The following DST variants were observed in gnomAD, a reference collection of about 807,000 sequenced individuals.
DST encodes bullous pemphigoid antigen.
DST carries 253 observed loss-of-function variants against 875.2 expected under a neutral mutation model. That is an observed-to-expected ratio of 0.29 (90% CI 0.26 to 0.32). The LOEUF is 0.32. DST is among the 10% of genes least tolerant of loss of function. DST has a pLI of 1.00. For synonymous variants in DST, 3,124 were observed against 3,197.1 expected (o/e 0.98, Z 0.77); for missense variants, 8,287 against 9,111.6 (o/e 0.91, Z 3.68).
At chr6:56,920,894 A>ACTTTTTTTTTTT (rs1803817769) in intron 2 of DST, among the ~76,000 whole-genome samples, 1 of 89,190 alleles carries the variant, frequency 1.1e-5, no homozygotes, top group Non-Finnish European at 2.4e-5. Context: ...ACGCCCAGCT[A>ACTTTTTTTTTTT]ATTTTTTTTT....
In DST at chr6:56,608,117, A is replaced by G. The variant is rs1318806727; in HGVS notation, c.6511T>C (p.Ser2171Pro). Residue 2171 changes from serine (S) to proline (P), a missense_variant, in exon 40 of 104, where the codon TCC (serine) becomes CCC (proline). Ser to Pro is a moderately conservative substitution (Grantham distance 74). Coordinates refer to ENST00000680361, the MANE Select transcript of DST (RefSeq NM_001374736.1). ...RWLSFCKFQP[S>P]TVHDYRQEED... The stretch of plus-strand genomic sequence containing the variant: ...TCTTGTCTGTAATCATGAACTGTGG[A>G]GGGTTGAAATTTACAAAAAGAGAGC... 1 of 1,613,674 alleles carries G rather than the reference A, an allele frequency of 6.2e-7. No individual in the cohort carries two copies. Among genetic ancestry groups the G allele is most frequent in the Admixed American group, 1.7e-5 (1 of 59,938 alleles).
Position 56,604,470 on chromosome 6 carries a change from A to T in DST, c.10158T>A (p.Ile3386=). 6.2e-7 allele frequency: 1 copy of T among 1,611,182 alleles called. No individual in the cohort carries two copies. The highest frequency in any genetic ancestry group is 1.1e-5 in the South Asian group (1 of 90,930). Residue 3386 remains isoleucine (I), a synonymous_variant, in exon 40 of 104, where the codon ATT becomes ATA. Coordinates refer to ENST00000680361, the MANE Select transcript of DST (RefSeq NM_001374736.1). ...TGGTAATCCTTTTAATTAAATTTTG[A>T]ATTAAAATTTTAGTGTCTGCACAGG... ...PSACADTKIL[I]QNLIKRITTS... is the part of the protein sequence containing the mutation.
At chr6:56,528,458 T>C (rs1425177222) in intron 67 of DST, among the ~76,000 whole-genome samples, 2 of 152,232 alleles carry the variant, frequency 1.3e-5, no homozygotes, top group Admixed American at 6.5e-5. Flanking sequence ...TGTATAGCTA[T>C]GCACGTAGCC....
Position 56,459,282 on chromosome 6 carries a change from T to A in DST, c.23195-15A>T. On this transcript the variant is annotated splice_polypyrimidine_tract_variant and intron_variant, in intron 103 of 103. Coordinates refer to ENST00000680361, the MANE Select transcript of DST (RefSeq NM_001374736.1). ...CTTCTTGGAATCTGAGGAAAGAAGGTAGAGACAGCTCACCCTTATTATTGG... is the reference window on the plus strand; with the variant it reads ...CTTCTTGGAATCTGAGGAAAGAAGGAAGAGACAGCTCACCCTTATTATTGG... The A allele has an allele frequency of 6.2e-7, 1 of 1,608,308 alleles. No homozygotes were observed. The highest frequency in any genetic ancestry group is 8.5e-7 in the Non-Finnish European group (1 of 1,176,828).
At chr6:56,503,657 A>C (rs2096218499) in intron 78 of DST, among the ~76,000 whole-genome samples, 1 of 151,402 alleles carries the variant, frequency 6.6e-6, no homozygotes. Flanking sequence ...AGATATCAGA[A>C]AGGCTATAAA....
chr6:56,879,429 C>T (rs1295108674), intron 3 of DST, among the ~76,000 whole-genome samples: 2 of 151,870 alleles, frequency 1.3e-5, no homozygotes, highest in South Asian at 4.2e-4. Context: ...AGAGATCACG[C>T]CACTGCACTC....
rs1181946023 is a variant in DST at position 56,648,699 on chromosome 6, T to A, written c.1435-10A>T. On this transcript the variant is annotated splice_polypyrimidine_tract_variant and intron_variant, in intron 12 of 103. Transcript: ENST00000680361. ...ATTTGACTTCAACATCCTAGAACAA[T>A]CAAATGATAGAAAAGGTTCACATCT... 6.4e-7 allele frequency: 1 copy of A among 1,551,406 alleles called. No individual in the cohort carries two copies. Among genetic ancestry groups the A allele is most frequent in the Admixed American group, 2.0e-5 (1 of 50,482 alleles).
chr6:56,892,322 CT>C (rs1167025436), intron 3 of DST, among the ~76,000 whole-genome samples: 589 of 133,912 alleles, frequency 4.4e-3, no homozygotes, highest in Middle Eastern at 0.011. Flanking sequence ...ATTCCTATCC[CT>C]TTTTTTTTTT....
intron 47 of DST, 96 bp from the exon 48 acceptor site, chr6:56,594,289 T>C (rs1374197649): frequency 4.1e-6 from 4 of 968,952 alleles, no homozygotes; most frequent in African/African-American, 1.6e-5. Context: ...GTTTCAATGA[T>C]CTACAGGGCT....
chr6:56,759,121 C>T (rs1316228482), intron 4 of DST, among the ~76,000 whole-genome samples: 1 of 152,120 alleles, frequency 6.6e-6, no homozygotes, highest in East Asian at 1.9e-4. Flanking sequence ...GTCACTGCAG[C>T]AAATTTATAA....
chr6:56,812,141 A>G (rs2099761095), intron 4 of DST, among the ~76,000 whole-genome samples: 1 of 149,220 alleles, frequency 6.7e-6, no homozygotes, highest in Non-Finnish European at 1.5e-5. Context: ...AAAGAAAAGA[A>G]AAGAAAAGAA....
chr6:56,850,194 C>G (rs570284850), intron 4 of DST, among the ~76,000 whole-genome samples: 35 of 152,300 alleles, frequency 2.3e-4, no homozygotes, highest in African/African-American at 7.9e-4. Flanking sequence ...CAGCATCTCA[C>G]AGCGGAAGCC....
At position 56,497,493 on chromosome 6, in the gene DST, A is replaced by G. The variant is rs1243729426; in HGVS notation, c.20109T>C (p.His6703=). ...ACTGCTGCAAATCCTCAATTTCGCCATGGAACCCTTTGGCCTGAAGTAATA... is the reference window on the plus strand; with the variant it reads ...ACTGCTGCAAATCCTCAATTTCGCCGTGGAACCCTTTGGCCTGAAGTAATA... ...DGALRQAKGF[H]GEIEDLQQWL... Residue 6703 remains histidine, a synonymous_variant, in exon 82 of 104, where the codon CAT becomes CAC. Transcript: ENST00000680361. 2 of 1,612,958 alleles carry G rather than the reference A, an allele frequency of 1.2e-6. No individual in the cohort carries two copies. Among genetic ancestry groups the G allele is most frequent in the Non-Finnish European group, 1.7e-6 (2 of 1,179,346 alleles).
chr6:56,918,742 T>G (rs547787662), intron 2 of DST, among the ~76,000 whole-genome samples: 1 of 152,132 alleles, frequency 6.6e-6, no homozygotes, highest in African/African-American at 2.4e-5. Flanking sequence ...GCCTATGTGA[T>G]GGACAAAAGG....
At chr6:56,740,390 G>A (rs2152936305) in intron 4 of DST, among the ~76,000 whole-genome samples, 1 of 152,274 alleles carries the variant, frequency 6.6e-6, no homozygotes, top group Middle Eastern at 3.4e-3. Flanking sequence ...CCAGTTGAGA[G>A]AAGTACATGG....
rs757309718 is a variant in DST, at chr6:56,487,165, C to T, written c.20986G>A (p.Asp6996Asn). ...TSLADDNLKL[D>N]DMLSELRDKW... ...TCTCTGAGTTCACTCAGCATGTCAT[C>T]CAGTTTCAGGTTGTCATCAGCCAGG... The change falls in exon 87 of 104, where the codon GAT (aspartate) becomes AAT (asparagine). Residue 6996 changes from aspartate to asparagine, a missense_variant. Transcript: ENST00000680361. The T allele has an allele frequency of 2.5e-6, 4 of 1,613,956 alleles. No homozygotes were observed. The Admixed American group carries it at 6.7e-5, about 27-fold the overall frequency.
chr6:56,478,575 A>C (rs1417376345), intron 90 of DST, among the ~76,000 whole-genome samples: 1 of 152,236 alleles, frequency 6.6e-6, no homozygotes. Context: ...GATAAGACAG[A>C]TCATAGAACT....
At chr6:56,517,004 C>T (rs2096606617) in intron 71 of DST, among the ~76,000 whole-genome samples, 194 bp downstream of exon 71, 2 of 152,136 alleles carry the variant, frequency 1.3e-5, no homozygotes, top group African/African-American at 2.4e-5. Context: ...AAAGATTGTC[C>T]TCATAGTGAT....
At chr6:56,833,038 C>T (rs1395105722) in intron 4 of DST, among the ~76,000 whole-genome samples, 1 of 152,160 alleles carries the variant, frequency 6.6e-6, no homozygotes, top group Non-Finnish European at 1.5e-5. Flanking sequence ...CATGCCCTGA[C>T]TTATTTTCAA....
Sources: gnomAD v4.1 joint callset for allele counts (sites outside exome capture counted in the v4.1 genomes callset) on GRCh38, gnomAD v4.1.1 for gene constraint, MANE v1.5 for transcripts, NCBI Gene and HGNC (gene_info 2026-07-23, HGNC 2026-07-21) for gene names.